Variants in NTM observed in about 807,000 individuals in gnomAD.
NTM encodes the protein neurotrimin.
In NTM, 13 loss-of-function variants were observed where a neutral mutation model predicts 42.1. The ratio of observed to expected loss-of-function variants is 0.31; its 90% confidence interval spans 0.20 to 0.49. The LOEUF is 0.49. NTM is among the 20% of genes least tolerant of loss of function. The pLI, the probability that NTM is intolerant of heterozygous loss-of-function variation, is 0.99. For synonymous variants in NTM, 187 were observed against 179.2 expected (o/e 1.04, Z -0.35); for missense variants, 373 against 452.8 (o/e 0.82, Z 1.60).
At chr11:132,087,633 A>T (rs959053935) in intron 2 of NTM, among the ~76,000 whole-genome samples, 1 of 152,208 alleles carries the variant, frequency 6.6e-6, no homozygotes, top group African/African-American at 2.4e-5. Context: ...AGGAAGGGGA[A>T]AAGGGTGTCC....
chr11:131,855,940 T>C (rs2046050752), intron 1 of NTM, among the ~76,000 whole-genome samples: 1 of 152,184 alleles, frequency 6.6e-6, no homozygotes, highest in Non-Finnish European at 1.5e-5. Context: ...GACTTGGATT[T>C]GGTTTAAAAT....
intron 1 of NTM, among the ~76,000 whole-genome samples, chr11:131,815,961 G>A (rs1431231234): frequency 6.6e-6 from 1 of 152,160 alleles, no homozygotes; most frequent in African/African-American, 2.4e-5. Context: ...TTGGAGATGG[G>A]GAGAGAGATG....
intron 1 of NTM, among the ~76,000 whole-genome samples, chr11:131,531,105 A>G (rs914040997): frequency 3.3e-5 from 5 of 152,220 alleles, no homozygotes; most frequent in Non-Finnish European, 5.9e-5. Flanking sequence ...AAGCCGAGTG[A>G]CAAGACCAAG....
chr11:132,037,468 C>A (rs970729823), intron 2 of NTM, among the ~76,000 whole-genome samples: 2 of 152,164 alleles, frequency 1.3e-5, no homozygotes, highest in Admixed American at 1.3e-4. Context: ...GGACAATAGT[C>A]AAATAGGCCA....
At chr11:132,016,850 A>T (rs974137639) in intron 2 of NTM, among the ~76,000 whole-genome samples, 16 of 151,898 alleles carry the variant, frequency 1.1e-4, no homozygotes, top group Non-Finnish European at 1.8e-4. Context: ...GTGGATATAC[A>T]ATGTTATCTT....
At chr11:132,194,507 A>G (rs375401633) in intron 3 of NTM, among the ~76,000 whole-genome samples, 2 of 152,340 alleles carry the variant, frequency 1.3e-5, no homozygotes, top group Non-Finnish European at 2.9e-5. Context: ...TACAGTCAAC[A>G]TAATACTGAA....
At chr11:131,628,310 C>T (rs2137740279) in intron 1 of NTM, among the ~76,000 whole-genome samples, 1 of 152,316 alleles carries the variant, frequency 6.6e-6, no homozygotes, top group Non-Finnish European at 1.5e-5. Context: ...TTCTCATTTG[C>T]AAAATGTGGA....
At chr11:132,235,799 A>G (rs1014481640) in intron 4 of NTM, among the ~76,000 whole-genome samples, 6 of 152,198 alleles carry the variant, frequency 3.9e-5, no homozygotes, top group African/African-American at 1.4e-4. Flanking sequence ...CAACTGATTA[A>G]TATTCACCTC....
intron 1 of NTM, among the ~76,000 whole-genome samples, chr11:131,777,512 T>C (rs539416976): frequency 1.7e-4 from 23 of 138,514 alleles, no homozygotes; most frequent in Admixed American, 1.4e-3. Flanking sequence ...TCTCTAATGC[T>C]ACCATTCTTA....
chr11:131,422,047 A>G (rs1947589680), intron 1 of NTM, among the ~76,000 whole-genome samples: 1 of 152,188 alleles, frequency 6.6e-6, no homozygotes. Flanking sequence ...GCAAGTTCAA[A>G]TCTGAGCCCT....
chr11:131,836,562 G>T (rs2136616716), intron 1 of NTM, among the ~76,000 whole-genome samples: 1 of 152,210 alleles, frequency 6.6e-6, no homozygotes, highest in Middle Eastern at 3.4e-3. Context: ...CAATTTATTT[G>T]AGCCTAGGAA....
At chr11:131,386,116 T>A (rs1187784558) in intron 1 of NTM, among the ~76,000 whole-genome samples, 2 of 152,214 alleles carry the variant, frequency 1.3e-5, no homozygotes. Flanking sequence ...GGTCTATGCA[T>A]AAATGGGTAT....
rs1018121233 is a variant in NTM at position 131,758,268 on chromosome 11, C to G, written c.83-153296C>G. Among the ~76,000 whole-genome samples the G allele has an allele frequency of 3.9e-5, 6 of 152,138 alleles. No homozygotes were observed. The East Asian group carries it at 5.8e-4, about 15-fold the overall frequency. On this transcript the variant is annotated intron_variant, in intron 1 of 8. Transcript: ENST00000683400. ...ACAACTTCTGTCTTCCCCCTCCCCCCCGCCAACCCCGCTAGCTAATTGTAG... is the reference window on the plus strand; with the variant it reads ...ACAACTTCTGTCTTCCCCCTCCCCCGCGCCAACCCCGCTAGCTAATTGTAG...
At chr11:131,479,650 G>A in intron 1 of NTM, among the ~76,000 whole-genome samples, 1 of 152,202 alleles carries the variant, frequency 6.6e-6, no homozygotes, top group East Asian at 1.9e-4. Context: ...CTGGAAATCT[G>A]TGGACCAAAT....
intron 1 of NTM, among the ~76,000 whole-genome samples, chr11:131,489,781 G>T (rs1441014933): frequency 6.6e-6 from 1 of 152,164 alleles, no homozygotes; most frequent in Non-Finnish European, 1.5e-5. Context: ...ATTTTACCTG[G>T]CCTTAGCCAA....
At chr11:132,324,697 A>G (rs1285663147) in intron 7 of NTM, among the ~76,000 whole-genome samples, 3,806 of 133,484 alleles carry the variant, frequency 0.029, 255 homozygotes, top group African/African-American at 0.1. Flanking sequence ...ACCAAAAAAG[A>G]GCCTGCATCG....
intron 2 of NTM, among the ~76,000 whole-genome samples, chr11:132,091,547 C>T (rs2060377890): frequency 6.6e-6 from 1 of 152,076 alleles, no homozygotes; most frequent in South Asian, 2.1e-4. Flanking sequence ...GTGTGGTGAT[C>T]ATGGCTCACT....
intron 4 of NTM, among the ~76,000 whole-genome samples, chr11:132,235,443 G>A (rs1028216692): frequency 6.6e-6 from 1 of 152,170 alleles, no homozygotes; most frequent in African/African-American, 2.4e-5. Flanking sequence ...GGATTGAAAG[G>A]TGGTCACATT....
At chr11:131,423,022 T>C (rs1947697793) in intron 1 of NTM, among the ~76,000 whole-genome samples, 1 of 152,232 alleles carries the variant, frequency 6.6e-6, no homozygotes, top group African/African-American at 2.4e-5. Flanking sequence ...CCTACATCTT[T>C]GCTACACAAA....
Sources: allele counts gnomAD v4.1 joint callset (sites outside exome capture counted in the v4.1 genomes callset), GRCh38; gene constraint gnomAD v4.1.1; transcripts MANE v1.5; gene names NCBI Gene and HGNC (gene_info 2026-07-23, HGNC 2026-07-21).